The following TBCK variants were observed in gnomAD, a reference collection of about 807,000 sequenced individuals.
The protein encoded by TBCK is TBC1 domain containing kinase.
Under a neutral mutation model 113.4 loss-of-function variants are expected in TBCK, and 99 were observed. The ratio of observed to expected loss-of-function variants is 0.87; its 90% CI spans 0.74 to 1.03. The LOEUF (loss-of-function observed/expected upper bound fraction) is 1.03. Among genes scored for constraint, TBCK ranks in the 50% least tolerant of loss-of-function variants. TBCK has a pLI of 0.00. For synonymous variants in TBCK, 369 were observed against 370.8 expected (o/e 1.00, Z 0.05); for missense variants, 1,045 against 1,061.3 (o/e 0.98, Z 0.21).
intron 22 of TBCK, among the ~76,000 whole-genome samples, chr4:106,188,581 A>G (rs1455434959): frequency 6.6e-6 from 1 of 152,252 alleles, no homozygotes; most frequent in Non-Finnish European, 1.5e-5. Flanking sequence ...ACCCTTATCA[A>G]CCATAAAACA....
intron 23 of TBCK, among the ~76,000 whole-genome samples, chr4:106,137,041 A>G (rs1207256026): frequency 7.1e-6 from 1 of 140,806 alleles, no homozygotes; most frequent in Admixed American, 7.0e-5. Flanking sequence ...TGGCAGATAA[A>G]GGGAAGATAT....
At chr4:106,065,628 A>G (rs745484598) in intron 25 of TBCK, among the ~76,000 whole-genome samples, 5 of 151,998 alleles carry the variant, frequency 3.3e-5, no homozygotes, top group Non-Finnish European at 5.9e-5. Context: ...AGTACCATAC[A>G]TTTCAGAGAT....
At chr4:106,068,497 C>T (rs1364996864) in intron 25 of TBCK, among the ~76,000 whole-genome samples, 2 of 152,290 alleles carry the variant, frequency 1.3e-5, no homozygotes, top group East Asian at 3.9e-4. Context: ...TTTATGGCTG[C>T]ATAATATTTC....
chr4:106,164,816 GA>G (rs1276315754), intron 23 of TBCK, among the ~76,000 whole-genome samples: 1 of 151,404 alleles, frequency 6.6e-6, no homozygotes, highest in Admixed American at 6.6e-5. Flanking sequence ...TTGAATTTTG[GA>G]AACTATTTGA....
chr4:106,156,858 CCTGTGG>C (rs1288553387), intron 23 of TBCK, among the ~76,000 whole-genome samples: 3 of 152,214 alleles, frequency 2.0e-5, no homozygotes, highest in South Asian at 4.1e-4. Flanking sequence ...ACTCTACTTC[CCTGTGG>C]CTGAGTTGGT....
In TBCK at chr4:106,170,618, A is replaced by T. The variant is rs187676986; in HGVS notation, c.2235+477T>A. Among the ~76,000 whole-genome samples, 5 of 152,236 alleles carry T rather than the reference A, an allele frequency of 3.3e-5. No individual in the cohort carries two copies. In the East Asian group the frequency reaches 9.7e-4, roughly 29 times the overall value. On this transcript the variant is annotated intron_variant, in intron 23 of 25. Coordinates refer to ENST00000394708, the MANE Select transcript of TBCK (RefSeq NM_001163435.3). ...TACTATGATAATATTAGAATATTCG[A>T]AATGTATGAATTATTATAACTGAAA...
chr4:106,061,642 T>C (rs2149461549), intron 25 of TBCK, among the ~76,000 whole-genome samples: 1 of 150,858 alleles, frequency 6.6e-6, no homozygotes, highest in South Asian at 2.1e-4. Flanking sequence ...TTGCAGTATC[T>C]TTGAGGTGTG....
At position 106,045,754 on chromosome 4, in the gene TBCK, G is replaced by A. The variant is rs1309983666; in HGVS notation, c.*816C>T. ...CTCATTCTCTTCCTTCTAGATAGCA[G>A]ATGTGATGGTAGAAGCTGAGGAGCC... On this transcript the variant is annotated 3_prime_UTR_variant, in exon 26 of 26. Coordinates refer to ENST00000394708, the MANE Select transcript of TBCK (RefSeq NM_001163435.3). The A allele has an allele frequency of 6.6e-6, 1 of 151,972 alleles. No individual in the cohort carries two copies. Among genetic ancestry groups the A allele is most frequent in the African/African-American group, 2.4e-5 (1 of 41,344 alleles). The allele number at this position is 151,972 out of a possible 1,614,324, so 9.4% of individuals were successfully genotyped here.
rs1363077813 is a variant in TBCK at position 106,260,465 on chromosome 4, G to A, written c.427C>T (p.His143Tyr). The stretch of plus-strand genomic sequence containing the variant: ...ATTGGGAAATCAACATCATCACCAT[G>A]AGCTGTCATGTGATAAAGTCCAAAT... ...AKFGLYHMTA[H>Y]GDDVDFPIGY... is the part of the protein sequence containing the mutation. The change falls in exon 5 of 26, where the codon CAT (histidine) becomes TAT (tyrosine). Residue 143 changes from histidine (H) to tyrosine (Y), a missense_variant. Coordinates refer to ENST00000394708, the MANE Select transcript of TBCK (RefSeq NM_001163435.3). 21 of 1,399,860 alleles carry A rather than the reference G, an allele frequency of 1.5e-5. No individual in the cohort carries two copies. Among genetic ancestry groups the A allele is most frequent in the Non-Finnish European group, 2.0e-5 (21 of 1,056,822 alleles). The allele number at this position is 1,399,860 out of a possible 1,614,324, so 86.7% of individuals were successfully genotyped here. A position where few individuals can be genotyped will look rare whatever the true frequency, so the allele number is the denominator to read the frequency against.
At chr4:106,236,931 T>TA (rs1759540824) in intron 12 of TBCK, 123 bp from the exon 13 acceptor site, 3 of 465,284 alleles carry the variant, frequency 6.4e-6, no homozygotes, top group African/African-American at 6.1e-5. Context: ...AAGTATAAAA[T>TA]AGAGTCTAAA....
chr4:106,103,301 C>T (rs903461750), intron 24 of TBCK, among the ~76,000 whole-genome samples: 2 of 152,160 alleles, frequency 1.3e-5, no homozygotes, highest in Admixed American at 6.5e-5. Context: ...TCCTCTTATA[C>T]ACACAGGTGC....
At chr4:106,063,727 G>A (rs999710788) in intron 25 of TBCK, among the ~76,000 whole-genome samples, 2 of 151,836 alleles carry the variant, frequency 1.3e-5, no homozygotes, top group Non-Finnish European at 2.9e-5. Context: ...ATGAGGTCAT[G>A]AGGGGAGACC....
At chr4:106,271,733 T>A (rs975597371) in intron 3 of TBCK, among the ~76,000 whole-genome samples, 9 of 142,654 alleles carry the variant, frequency 6.3e-5, no homozygotes, top group Non-Finnish European at 9.0e-5. Flanking sequence ...ATCTGGGCGA[T>A]AGAGCAAGAC....
intron 19 of TBCK, chr4:106,213,876 G>A (rs1312521244): frequency 6.5e-6 from 1 of 153,818 alleles, no homozygotes; most frequent in Non-Finnish European, 1.4e-5. Flanking sequence ...ACAGCTCAAG[G>A]AGGCCTGCGT....
chr4:106,231,878 A>G, intron 17 of TBCK, 99 bp from the exon 18 acceptor site: 1 of 1,044,258 alleles, frequency 9.6e-7, no homozygotes, highest in Non-Finnish European at 1.4e-6. Flanking sequence ...CTCCAAGTAG[A>G]TTAAACATTA....
intron 20 of TBCK, among the ~76,000 whole-genome samples, chr4:106,202,850 C>T (rs147096350): frequency 5.5e-4 from 83 of 152,050 alleles, no homozygotes; most frequent in Admixed American, 1.5e-3. Flanking sequence ...AAACCTGGAC[C>T]ATTTTACTTT....
intron 3 of TBCK, among the ~76,000 whole-genome samples, chr4:106,292,917 T>C (rs941511259): frequency 1.3e-5 from 2 of 152,226 alleles, no homozygotes; most frequent in Non-Finnish European, 2.9e-5. Context: ...ACTGGAATTA[T>C]GGGGGTGGCA....
chr4:106,209,804 A>G (rs532948739), intron 20 of TBCK, among the ~76,000 whole-genome samples: 1 of 152,060 alleles, frequency 6.6e-6, no homozygotes, highest in East Asian at 1.9e-4. Context: ...TTTGGCCAAT[A>G]TCTTTAAGTT....
chr4:106,268,833 G>C (rs777366094), intron 3 of TBCK, among the ~76,000 whole-genome samples: 51 of 151,974 alleles, frequency 3.4e-4, no homozygotes, highest in Admixed American at 7.2e-4. Flanking sequence ...CAAGAAATAG[G>C]GGCCAGGAAA....
Sources: gnomAD v4.1 joint callset for allele counts (sites outside exome capture counted in the v4.1 genomes callset) on GRCh38, gnomAD v4.1.1 for gene constraint, MANE v1.5 for transcripts, NCBI Gene and HGNC (gene_info 2026-07-23, HGNC 2026-07-21) for gene names.